The following ATG13 variants were observed in gnomAD, a reference collection of about 807,000 sequenced individuals.
ATG13 encodes the protein autophagy-related protein 13.
Under a neutral mutation model 65.5 loss-of-function variants are expected in ATG13, and 23 were observed. The observed-to-expected ratio is 0.35, with a 90% CI of 0.25 to 0.50. ATG13 has a LOEUF of 0.50. ATG13 is among the 20% of genes least tolerant of loss of function. The pLI is 0.98. For missense variants in ATG13, 566 were observed against 677.0 expected (o/e 0.84, Z 1.82); for synonymous variants, 252 against 245.2 (o/e 1.03, Z -0.26).
chr11:46,663,962 T>G, intron 11 of ATG13, 35 bp from the exon 12 acceptor site: 3 of 1,227,212 alleles, frequency 2.4e-6, no homozygotes, highest in Admixed American at 2.4e-5. Flanking sequence ...TTTTTTTTTT[T>G]TGTTTCTCCT....
chr11:46,652,240 T>C (rs1354327003), intron 7 of ATG13, among the ~76,000 whole-genome samples: 2 of 151,878 alleles, frequency 1.3e-5, no homozygotes, highest in East Asian at 3.9e-4. Context: ...AGGGCTATAC[T>C]GTATCTCAAA....
At chr11:46,653,668 C>T (rs1436878763) in intron 7 of ATG13, among the ~76,000 whole-genome samples, 1 of 151,662 alleles carries the variant, frequency 6.6e-6, no homozygotes, top group African/African-American at 2.4e-5. Flanking sequence ...CTCCCAGGTT[C>T]ACGCCATTCT....
chr11:46,662,962 G>A lies in ATG13; in HGVS notation c.790-1035G>A, dbSNP rs187128347. Among the ~76,000 whole-genome samples the A allele has an allele frequency of 3.3e-3, 509 of 152,128 alleles. 3 individuals carry two copies. The highest frequency in any genetic ancestry group is 0.012 in the African/African-American group (490 of 41,492). ...AGTTCTAAGCATTAATTAGCTAATC[G>A]GTCAGGTTTAAAACTGGAACAGTCC... is the stretch of plus-strand genomic sequence containing the variant. On this transcript the variant is annotated intron_variant, in intron 11 of 18. Transcript: ENST00000683050.
In ATG13 at chr11:46,622,073, TTACATATATATATATATATA is replaced by T. The variant is rs1225237795; in HGVS notation, c.-70+4186_-70+4205del. ...AAGGCCACTTCAGAGATTTATTTAT[TTACATATATATATATATATA>T]TATATATATATATATATATATATAT... is the stretch of plus-strand genomic sequence containing the variant. On this transcript the variant is annotated intron_variant, in intron 1 of 18. Transcript: ENST00000683050. Among the ~76,000 whole-genome samples the T allele has an allele frequency of 3.8e-3, 315 of 82,596 alleles. 1 individual carries two copies. Among genetic ancestry groups the T allele is most frequent in the African/African-American group, 0.012 (306 of 24,750 alleles). 54.2% of individuals were successfully genotyped at this position (82,596 alleles called of 152,430 possible).
chr11:46,618,788 A>T (rs1337231470), intron 1 of ATG13, among the ~76,000 whole-genome samples: 1 of 151,552 alleles, frequency 6.6e-6, no homozygotes, highest in Non-Finnish European at 1.5e-5. Flanking sequence ...TCAGCTCAGG[A>T]GAAGTCTTTT....
chr11:46,641,687 G>A (rs1033316434), intron 2 of ATG13, among the ~76,000 whole-genome samples: 1 of 151,592 alleles, frequency 6.6e-6, no homozygotes, highest in African/African-American at 2.4e-5. Context: ...TTATATGGGT[G>A]TATACATATA....
rs1565398903 is a variant in ATG13, at chr11:46,622,120, TATATA to T, written c.-70+4231_-70+4235del. Among the ~76,000 whole-genome samples the T allele has an allele frequency of 4.3e-3, 500 of 117,564 alleles. 4 individuals carry two copies. The highest frequency in any genetic ancestry group is 0.012 in the African/African-American group (349 of 28,652). The allele number at this position is 117,564 out of a possible 152,430, so 77.1% of individuals were successfully genotyped here. ...ATATATATATATATATATATATATA[TATATA>T]TATTTATTTTAGAGATGGTATTTGC... is the stretch of plus-strand genomic sequence containing the variant. On this transcript the variant is annotated intron_variant, in intron 1 of 18. Coordinates refer to ENST00000683050, the MANE Select transcript of ATG13 (RefSeq NM_001346311.2).
At chr11:46,661,010 C>T (rs2061069622) in intron 11 of ATG13, among the ~76,000 whole-genome samples, 1 of 151,874 alleles carries the variant, frequency 6.6e-6, no homozygotes, top group Non-Finnish European at 1.5e-5. Flanking sequence ...ACACCCAGCC[C>T]TTCTGTGTTT....
rs778665063 is a variant in ATG13 at position 46,668,885 on chromosome 11, A to G, written c.1421A>G (p.His474Arg). 1.1e-5 allele frequency: 17 copies of G among 1,613,766 alleles called. No homozygotes were observed. Among genetic ancestry groups the G allele is most frequent in the South Asian group, 5.5e-5 (5 of 91,088 alleles). Residue 474 changes from histidine (H) to arginine (R), a missense_variant, in exon 17 of 19, where the codon CAT (histidine) becomes CGT (arginine). This residue lies in a region of ATG13 where 387 missense variants were observed against 409.8 expected (regional missense o/e 0.94). Coordinates refer to ENST00000683050, the MANE Select transcript of ATG13 (RefSeq NM_001346311.2). ...AGCGGGGGCAGCAGTGGCAATACCC[A>G]TGATGACTTTGTTATGATAGACTTT... Reference protein sequence around the residue: ...GSSGGSSGNTHDDFVMIDFKP... With the variant: ...GSSGGSSGNTRDDFVMIDFKP...
chr11:46,618,147 G>A (rs1305826635), intron 1 of ATG13: 6 of 363,348 alleles, frequency 1.7e-5, no homozygotes, highest in East Asian at 8.1e-5. Flanking sequence ...GTCGTCAGGC[G>A]TTTTGGAGGT....
intron 1 of ATG13, among the ~76,000 whole-genome samples, chr11:46,622,073 TTACATATATATATATATATATATATA>T (rs2047708077): frequency 1.2e-5 from 1 of 82,614 alleles, no homozygotes; most frequent in African/African-American, 4.0e-5. Context: ...ATTTATTTAT[TTACATATATATATATATATATATATA>T]TATATATATA....
chr11:46,630,739 T>TA (rs910795736), intron 2 of ATG13, among the ~76,000 whole-genome samples: 2 of 152,054 alleles, frequency 1.3e-5, no homozygotes, highest in Non-Finnish European at 1.5e-5. Flanking sequence ...CCCGGCTACT[T>TA]ACTTTTTTTG....
At chr11:46,629,850 A>G (rs2051069954) in intron 1 of ATG13, 195 bp from the exon 2 acceptor site, 3 of 152,314 alleles carry the variant, frequency 2.0e-5, no homozygotes, top group East Asian at 1.9e-4. Context: ...GTGACTACAT[A>G]TATCTGTTCT....
At chr11:46,633,751 CG>C (rs1365954570) in intron 2 of ATG13, among the ~76,000 whole-genome samples, 1 of 152,040 alleles carries the variant, frequency 6.6e-6, no homozygotes, top group East Asian at 1.9e-4. Context: ...TTCCAGGTTA[CG>C]GTGAGCTATG....
Position 46,659,412 on chromosome 11 carries a change from G to T in ATG13, c.716G>T (p.Gly239Val). 6.2e-7 allele frequency: 1 copy of T among 1,613,648 alleles called. No homozygotes were observed. The highest frequency in any genetic ancestry group is 8.5e-7 in the Non-Finnish European group (1 of 1,179,636). Reference protein sequence around the residue: ...CNYRTAGEDTGVIYPSVEDSQ... With the variant: ...CNYRTAGEDTVVIYPSVEDSQ... ...TTTAGAACTGCTGGTGAGGACACTGGAGTAATATACCCGTCTGTAGAAGAC... is the reference window on the plus strand; with the variant it reads ...TTTAGAACTGCTGGTGAGGACACTGTAGTAATATACCCGTCTGTAGAAGAC... The change falls in exon 11 of 19, where the codon GGA becomes GTA. Residue 239 changes from glycine to valine, a missense_variant. Physicochemically the swap from Gly to Val is moderately radical, Grantham distance 109. This residue lies in a region of ATG13 where 387 missense variants were observed against 409.8 expected (regional missense o/e 0.94). Coordinates refer to ENST00000683050, the MANE Select transcript of ATG13 (RefSeq NM_001346311.2).
intron 2 of ATG13, among the ~76,000 whole-genome samples, chr11:46,642,441 T>C (rs1272039408): frequency 1.3e-5 from 2 of 151,350 alleles, no homozygotes; most frequent in Admixed American, 1.3e-4. Context: ...AAGTAGCTGG[T>C]ATTACAGGCG....
intron 10 of ATG13, 126 bp downstream of exon 10, chr11:46,657,748 C>T: frequency 1.3e-6 from 1 of 784,034 alleles, no homozygotes; most frequent in Non-Finnish European, 2.0e-6. Context: ...GATGGAGACC[C>T]CACGTGGAGA....
chr11:46,659,614 A>AG, intron 11 of ATG13, 129 bp downstream of exon 11: 1 of 675,932 alleles, frequency 1.5e-6, no homozygotes, highest in Non-Finnish European at 2.5e-6. Flanking sequence ...GGTTACTTTG[A>AG]GGGGTAAGAG....
intron 15 of ATG13, 91 bp downstream of exon 15, chr11:46,667,978 A>G (rs2062757896): frequency 9.1e-6 from 9 of 985,130 alleles, no homozygotes; most frequent in Admixed American, 6.8e-5. Context: ...ATATTAATAT[A>G]TATGAAACTA....
Sources: allele counts gnomAD v4.1 joint callset (sites outside exome capture counted in the v4.1 genomes callset), GRCh38; gene constraint gnomAD v4.1.1; regional missense constraint gnomAD v4.1.1; transcripts MANE v1.5; gene names NCBI Gene and HGNC (gene_info 2026-07-23, HGNC 2026-07-21).